Variants in SOX5 observed in about 807,000 individuals in gnomAD.
SOX5 encodes the protein SRY-box transcription factor 5, also known as transcription factor SOX-5.
A neutral mutation model predicts 92.0 loss-of-function variants in SOX5; 9 were observed. The ratio of observed to expected loss-of-function variants is 0.10; its 90% CI spans 0.06 to 0.17. SOX5 has a LOEUF of 0.17. Among genes scored for constraint, SOX5 ranks in the 10% least tolerant of loss-of-function variants. The pLI is 1.00. For missense variants in SOX5, 642 were observed against 944.5 expected (o/e 0.68, Z 4.20); for synonymous variants, 344 against 336.3 (o/e 1.02, Z -0.25).
At chr12:24,040,221 G>A (rs1445034704) in intron 4 of SOX5, among the ~76,000 whole-genome samples, 1 of 152,128 alleles carries the variant, frequency 6.6e-6, no homozygotes, top group African/African-American at 2.4e-5. Context: ...TTTGAAAAAT[G>A]AACAGAATTC....
At chr12:24,258,585 G>C (rs1248678537) in intron 3 of SOX5, among the ~76,000 whole-genome samples, 1 of 152,084 alleles carries the variant, frequency 6.6e-6, no homozygotes, top group Non-Finnish European at 1.5e-5. Flanking sequence ...TCTTGATCTG[G>C]CTGTTCCAGT....
At chr12:23,864,915 G>A (rs2096794773) in intron 2 of SOX5, among the ~76,000 whole-genome samples, 1 of 152,156 alleles carries the variant, frequency 6.6e-6, no homozygotes, top group Admixed American at 6.5e-5. Context: ...ATTGGAGGGA[G>A]ACACACCATC....
chr12:23,881,882 CAT>C (rs556057481), intron 2 of SOX5, among the ~76,000 whole-genome samples: 473 of 152,058 alleles, frequency 3.1e-3, no homozygotes, highest in Non-Finnish European at 5.0e-3. Context: ...GGGGGGGAAA[CAT>C]GTGTCTATCT....
upstream of SOX5, chr12:23,949,693 T>G: frequency 1.9e-6 from 3 of 1,597,048 alleles, no homozygotes; most frequent in East Asian, 4.6e-5. Flanking sequence ...TCTAAACCAA[T>G]TGATTTTCTC....
chr12:24,017,556 C>T (rs1055704904), intron 4 of SOX5, among the ~76,000 whole-genome samples: 21 of 151,972 alleles, frequency 1.4e-4, no homozygotes, highest in Middle Eastern at 3.4e-3. Flanking sequence ...GCCAAGATCG[C>T]GCCCCTGCAC....
chr12:23,962,791 A>C (rs1335420666), intron 4 of SOX5, among the ~76,000 whole-genome samples: 2 of 152,180 alleles, frequency 1.3e-5, no homozygotes, highest in African/African-American at 4.8e-5. Flanking sequence ...TGATCTAAAA[A>C]TATTCCATTT....
chr12:24,349,698 T>C (rs1953825302), intron 2 of SOX5, among the ~76,000 whole-genome samples: 1 of 152,226 alleles, frequency 6.6e-6, no homozygotes, highest in African/African-American at 2.4e-5. Flanking sequence ...GACACTTTGG[T>C]TGCCTCTACT....
chr12:23,783,742 A>G (rs1447545339), intron 3 of SOX5, among the ~76,000 whole-genome samples: 3 of 152,198 alleles, frequency 2.0e-5, no homozygotes, highest in African/African-American at 7.2e-5. Context: ...AAATTTTAGG[A>G]AAAAAACAGA....
intron 4 of SOX5, among the ~76,000 whole-genome samples, chr12:23,960,142 A>C (rs1043471452): frequency 2.0e-5 from 3 of 152,084 alleles, no homozygotes; most frequent in Non-Finnish European, 4.4e-5. Flanking sequence ...AGAGAAACGG[A>C]CCCCAGCCAT....
chr12:23,845,466 A>G (rs2096564520), intron 3 of SOX5, among the ~76,000 whole-genome samples: 1 of 152,218 alleles, frequency 6.6e-6, no homozygotes, highest in African/African-American at 2.4e-5. Flanking sequence ...TAAAAGAAAG[A>G]CTTTCTGGAA....
At chr12:23,740,755 T>A in intron 5 of SOX5, 112 bp downstream of exon 5, 1 of 906,188 alleles carries the variant, frequency 1.1e-6, no homozygotes, top group Non-Finnish European at 1.6e-6. Flanking sequence ...TTTATTTAAC[T>A]GGGGAGGTGG....
At chr12:24,143,107 A>G (rs1287027015) in intron 4 of SOX5, among the ~76,000 whole-genome samples, 1 of 152,204 alleles carries the variant, frequency 6.6e-6, no homozygotes, top group Non-Finnish European at 1.5e-5. Context: ...TCACTTTAGT[A>G]GGAGAAAATA....
At chr12:24,113,790 C>T (rs998031453) in intron 4 of SOX5, among the ~76,000 whole-genome samples, 2 of 152,142 alleles carry the variant, frequency 1.3e-5, no homozygotes, top group African/African-American at 4.8e-5. Context: ...CAACTGGGTG[C>T]CCTGTTATCT....
chr12:24,335,972 CATAT>C (rs57461232), intron 2 of SOX5, among the ~76,000 whole-genome samples: 4 of 58,610 alleles, frequency 6.8e-5, no homozygotes, highest in Non-Finnish European at 9.2e-5. Flanking sequence ...GAAATGCTAT[CATAT>C]ATATATATAT....
At chr12:23,832,859 G>T (rs554344502) in intron 3 of SOX5, among the ~76,000 whole-genome samples, 2 of 149,360 alleles carry the variant, frequency 1.3e-5, no homozygotes, top group South Asian at 4.2e-4. Context: ...CAAAATTCAA[G>T]AACCAAAATA....
Position 23,912,745 on chromosome 12 carries a change from A to G in SOX5, c.39-16721T>C, listed in dbSNP as rs186481956. 3.9e-5 allele frequency among the ~76,000 whole-genome samples: 6 copies of G among 152,318 alleles called. No individual in the cohort carries two copies. In the East Asian group the frequency reaches 1.2e-3, roughly 29 times the overall value. On this transcript the variant is annotated intron_variant, in intron 1 of 14. Coordinates refer to ENST00000451604, the MANE Select transcript of SOX5 (RefSeq NM_006940.6). ...TGAAAGAAGCCATTCACAAAGGTCT[A>G]CATATTCTACAATTCCATTTATATG... is the stretch of plus-strand genomic sequence containing the variant.
At chr12:24,110,888 G>A (rs551879079) in intron 4 of SOX5, among the ~76,000 whole-genome samples, 83 of 111,688 alleles carry the variant, frequency 7.4e-4, no homozygotes, top group African/African-American at 2.5e-3. Flanking sequence ...GCGACAGCGC[G>A]AGACTCCACT....
At chr12:24,086,948 A>C (rs961716805) in intron 4 of SOX5, among the ~76,000 whole-genome samples, 1 of 152,132 alleles carries the variant, frequency 6.6e-6, no homozygotes, top group African/African-American at 2.4e-5. Context: ...TTCGGAATGT[A>C]CCAATCAAAA....
chr12:23,890,290 A>G (rs1480397862), intron 2 of SOX5, among the ~76,000 whole-genome samples: 1 of 151,874 alleles, frequency 6.6e-6, no homozygotes, highest in Non-Finnish European at 1.5e-5. Flanking sequence ...ATTGCACTCC[A>G]GCCTAGGCAA....
Sources: gnomAD v4.1 joint callset for allele counts (sites outside exome capture counted in the v4.1 genomes callset) on GRCh38, gnomAD v4.1.1 for gene constraint, MANE v1.5 for transcripts, NCBI Gene and HGNC (gene_info 2026-07-23, HGNC 2026-07-21) for gene names.